FNDC3B: variants seen among roughly 807,000 people sequenced by gnomAD.
FNDC3B encodes fibronectin type III domain-containing protein 3B.
A neutral mutation model predicts 151.5 loss-of-function variants in FNDC3B; 12 were observed. That is an observed-to-expected ratio of 0.08 (90% CI 0.05 to 0.13). The LOEUF (loss-of-function observed/expected upper bound fraction) is 0.13. Ranked by LOEUF, FNDC3B falls within the 10% of genes least tolerant of loss-of-function variation. The pLI is 1.00. For synonymous variants in FNDC3B, 528 were observed against 549.0 expected (o/e 0.96, Z 0.54); for missense variants, 1,214 against 1,505.3 (o/e 0.81, Z 3.20).
intron 23 of FNDC3B, among the ~76,000 whole-genome samples, chr3:172,373,072 G>C (rs1734956603): frequency 6.6e-6 from 1 of 152,154 alleles, no homozygotes; most frequent in Non-Finnish European, 1.5e-5. Context: ...CTTCTCAGCA[G>C]CCTAGAGCAG....
intron 1 of FNDC3B, among the ~76,000 whole-genome samples, chr3:172,082,843 CA>C (rs1418634355): frequency 1.3e-5 from 2 of 152,228 alleles, no homozygotes; most frequent in Non-Finnish European, 2.9e-5. Context: ...GCCAGTTTCA[CA>C]TCCAGATGTA....
chr3:172,244,807 G>A (rs1191471582), intron 4 of FNDC3B, among the ~76,000 whole-genome samples: 1 of 151,758 alleles, frequency 6.6e-6, no homozygotes, highest in East Asian at 1.9e-4. Flanking sequence ...TGTATTTTTA[G>A]CAGAGATGGG....
intron 3 of FNDC3B, among the ~76,000 whole-genome samples, chr3:172,222,787 A>AT (rs1405792513): frequency 2.0e-5 from 3 of 152,174 alleles, no homozygotes; most frequent in African/African-American, 7.2e-5. Flanking sequence ...CCACAAACCA[A>AT]TAGTGGTCCG....
At chr3:172,339,271 T>C (rs1471763617) in intron 16 of FNDC3B, among the ~76,000 whole-genome samples, 2 of 151,976 alleles carry the variant, frequency 1.3e-5, no homozygotes, top group Non-Finnish European at 2.9e-5. Flanking sequence ...GTTAAAAACC[T>C]GGTTTAGAAC....
Position 172,040,098 on chromosome 3 carries a change from C to A in FNDC3B, c.-29+327C>A, listed in dbSNP as rs1226823934. 1.3e-5 allele frequency among the ~76,000 whole-genome samples: 2 copies of A among 152,138 alleles called. No homozygotes were observed. The highest frequency in any genetic ancestry group is 1.5e-5 in the Non-Finnish European group (1 of 67,996). ...TCTTAAAAAAAATTGGGCAGTGGCTCGCGGCCTCCCCCCACCCCCAGCCTT... is the reference window on the plus strand; with the variant it reads ...TCTTAAAAAAAATTGGGCAGTGGCTAGCGGCCTCCCCCCACCCCCAGCCTT... On this transcript the variant is annotated intron_variant, in intron 1 of 25. Coordinates refer to ENST00000415807, the MANE Select transcript of FNDC3B (RefSeq NM_022763.4). This position sits in a 1 kb window ranked among gnomAD's most constrained non-coding sequence, Gnocchi z 6.6.
intron 22 of FNDC3B, among the ~76,000 whole-genome samples, chr3:172,358,318 T>C (rs1373418454): frequency 5.3e-5 from 8 of 152,260 alleles, no homozygotes; most frequent in Non-Finnish European, 1.5e-5. Flanking sequence ...CATTTAACTT[T>C]GATTTCCTCA....
chr3:172,050,105 A>G (rs1716568082), intron 1 of FNDC3B, among the ~76,000 whole-genome samples: 1 of 151,960 alleles, frequency 6.6e-6, no homozygotes, highest in African/African-American at 2.4e-5. Context: ...GAGGTATTTG[A>G]TGTTGAGTAT....
chr3:172,066,886 G>A (rs1003008469), intron 1 of FNDC3B, among the ~76,000 whole-genome samples: 5 of 152,188 alleles, frequency 3.3e-5, no homozygotes, highest in Admixed American at 3.3e-4. Context: ...CTCTTTTGAA[G>A]CACTTTTACT....
intron 1 of FNDC3B, among the ~76,000 whole-genome samples, chr3:172,079,270 A>G (rs955026033): frequency 6.6e-6 from 1 of 152,154 alleles, no homozygotes; most frequent in Non-Finnish European, 1.5e-5. Flanking sequence ...TTGGGGAAAA[A>G]AAATAAATGT....
intron 7 of FNDC3B, among the ~76,000 whole-genome samples, chr3:172,286,523 CTG>C (rs1187188217): frequency 6.6e-6 from 1 of 152,146 alleles, no homozygotes; most frequent in Non-Finnish European, 1.5e-5. Context: ...AGCCTTTCAT[CTG>C]AGATTAGAGA....
intron 4 of FNDC3B, among the ~76,000 whole-genome samples, chr3:172,235,535 T>C (rs1436228054): frequency 2.0e-5 from 3 of 152,210 alleles, no homozygotes; most frequent in Non-Finnish European, 4.4e-5. Flanking sequence ...GACTGATTTC[T>C]TGATACCTCA....
In FNDC3B at chr3:172,041,698, C is replaced by T. The variant is rs192627291; in HGVS notation, c.-29+1927C>T. Reference sequence around the variant, plus strand: ...TTCTGCTGCCGGAGTTGCTCCTCCACCCCTAAGTTAAAGCTATGAACCTGG... The same window carrying T: ...TTCTGCTGCCGGAGTTGCTCCTCCATCCCTAAGTTAAAGCTATGAACCTGG... On this transcript the variant is annotated intron_variant, in intron 1 of 25. Coordinates refer to ENST00000415807, the MANE Select transcript of FNDC3B (RefSeq NM_022763.4). 3.3e-5 allele frequency among the ~76,000 whole-genome samples: 5 copies of T among 152,232 alleles called. No individual in the cohort carries two copies. The East Asian group carries it at 9.7e-4, about 29-fold the overall frequency.
chr3:172,378,157 T>C, intron 23 of FNDC3B, 113 bp from the exon 24 acceptor site: 1 of 756,240 alleles, frequency 1.3e-6, no homozygotes. Context: ...ATTCAGAATG[T>C]ATGGAAAGCG....
intron 1 of FNDC3B, among the ~76,000 whole-genome samples, chr3:172,042,623 T>C (rs530268936): frequency 3.3e-5 from 5 of 152,202 alleles, no homozygotes; most frequent in Non-Finnish European, 5.9e-5. Flanking sequence ...ATTTAGGTTG[T>C]GTTATGCACA....
At position 172,095,385 on chromosome 3, in the gene FNDC3B, G is replaced by T. The variant is rs369874413; in HGVS notation, c.-28-17067G>T. Among the ~76,000 whole-genome samples, 8 of 152,296 alleles carry T rather than the reference G, an allele frequency of 5.3e-5. No individual in the cohort carries two copies. In the East Asian group the frequency reaches 1.5e-3, roughly 29 times the overall value. ...GAAAATAGCTTCTAGGAGATTCACAGTCCCCACCACCACTGCCCATTGGCG... is the reference window on the plus strand; with the variant it reads ...GAAAATAGCTTCTAGGAGATTCACATTCCCCACCACCACTGCCCATTGGCG... On this transcript the variant is annotated intron_variant, in intron 1 of 25. Coordinates refer to ENST00000415807, the MANE Select transcript of FNDC3B (RefSeq NM_022763.4).
chr3:172,384,825 A>C (rs1157441031), intron 25 of FNDC3B, among the ~76,000 whole-genome samples: 2 of 152,248 alleles, frequency 1.3e-5, no homozygotes, highest in African/African-American at 2.4e-5. Flanking sequence ...TGGCCATATA[A>C]ATGCTAATAT....
chr3:172,323,790 G>C (rs901964201), intron 11 of FNDC3B, among the ~76,000 whole-genome samples: 4 of 152,102 alleles, frequency 2.6e-5, no homozygotes, highest in Non-Finnish European at 5.9e-5. Context: ...GACCCTGTAG[G>C]AACAAGAACA....
chr3:172,183,044 A>C (rs1335881017), intron 3 of FNDC3B, among the ~76,000 whole-genome samples: 2 of 152,246 alleles, frequency 1.3e-5, no homozygotes, highest in Admixed American at 6.5e-5. Context: ...GTGACATGAA[A>C]TTTCTAAAAA....
At chr3:172,145,313 G>T (rs1721846884) in intron 3 of FNDC3B, among the ~76,000 whole-genome samples, 3 of 151,592 alleles carry the variant, frequency 2.0e-5, no homozygotes, top group Non-Finnish European at 4.4e-5. Context: ...GTAAAAAAAA[G>T]AGTGGAAACT....
Sources: allele counts gnomAD v4.1 joint callset (sites outside exome capture counted in the v4.1 genomes callset), GRCh38; gene constraint gnomAD v4.1.1; non-coding constraint Gnocchi (gnomAD v3.1); transcripts MANE v1.5; gene names NCBI Gene and HGNC (gene_info 2026-07-23, HGNC 2026-07-21).